The following SUSD4 variants were observed in gnomAD, a reference collection of about 807,000 sequenced individuals.
SUSD4 encodes the protein sushi domain containing 4, also known as sushi domain-containing protein 4.
A neutral mutation model predicts 50.5 loss-of-function variants in SUSD4; 41 were observed. The ratio of observed to expected loss-of-function variants is 0.81; its 90% confidence interval spans 0.63 to 1.05. The LOEUF (loss-of-function observed/expected upper bound fraction) is 1.05. SUSD4 is among the 50% of genes least tolerant of loss of function. The pLI is 0.00. For missense variants in SUSD4, 580 were observed against 634.7 expected (o/e 0.91, Z 0.93); for synonymous variants, 257 against 257.3 (o/e 1.00, Z 0.01).
Position 223,268,530 on chromosome 1 carries a change from T to A in SUSD4, c.507A>T (p.Gly169=), listed in dbSNP as rs1485259422. ...HNMVSLCRDD[G]TWNNLPICQG... is the part of the protein sequence containing the mutation. ...GACAGATGGGCAGATTATTCCACGT[T>A]CCATCATCGCGACATAATGAAACCA... The change falls in exon 4 of 9, where the codon GGA becomes GGT. Residue 169 remains glycine, a synonymous_variant. Transcript: ENST00000366878. 2 of 1,613,972 alleles carry A rather than the reference T, an allele frequency of 1.2e-6. No individual in the cohort carries two copies. Among genetic ancestry groups the A allele is most frequent in the South Asian group, 2.2e-5 (2 of 90,992 alleles).
At chr1:223,226,923 G>A (rs1659557021) in intron 7 of SUSD4, among the ~76,000 whole-genome samples, 1 of 152,150 alleles carries the variant, frequency 6.6e-6, no homozygotes. Context: ...CAGCAGTAGT[G>A]CTGGGTGGCT....
At chr1:223,222,825 G>A (rs997149874) in intron 8 of SUSD4, among the ~76,000 whole-genome samples, 2 of 152,120 alleles carry the variant, frequency 1.3e-5, no homozygotes, top group African/African-American at 4.8e-5. Flanking sequence ...GCCCTAGTGC[G>A]TGCCTCTGGA....
intron 2 of SUSD4, among the ~76,000 whole-genome samples, chr1:223,321,286 C>G (rs1666557211): frequency 6.6e-6 from 1 of 152,194 alleles, no homozygotes; most frequent in South Asian, 2.1e-4. Context: ...ATGCAGAGAC[C>G]TGCATGCGAT....
rs78868457 is a variant in SUSD4, at chr1:223,342,350, G to A, written c.148+20928C>T. ...TAATGGAGAGGGTTGCCATTTTTCT[G>A]AGAATACTATTATTGAATAGATGTC... On this transcript the variant is annotated intron_variant, in intron 2 of 8. Transcript: ENST00000366878. Among the ~76,000 whole-genome samples the A allele has an allele frequency of 7.2e-3, 1,101 of 152,304 alleles. 34 individuals are homozygous for A. In the East Asian group the frequency reaches 0.1, roughly 15 times the overall value.
In SUSD4 at chr1:223,221,416, G is replaced by C. The variant is rs185926490; in HGVS notation, c.*776C>G. On this transcript the variant is annotated 3_prime_UTR_variant, in exon 9 of 9. Coordinates refer to ENST00000366878, the MANE Select transcript of SUSD4 (RefSeq NM_017982.4). ...ATGTATTTGAACACATTCTGACCAT[G>C]TGTAAAAACCACCAGATTTACCCAA... 8.0e-6 allele frequency: 2 copies of C among 248,484 alleles called. No individual in the cohort carries two copies. The highest frequency in any genetic ancestry group is 5.5e-5 in the Admixed American group (1 of 18,158). 15.4% of individuals were successfully genotyped at this position (248,484 alleles called of 1,614,324 possible). A position where few individuals can be genotyped will look rare whatever the true frequency, so the allele number is the denominator to read the frequency against.
chr1:223,280,786 TC>T (rs1663660969), intron 3 of SUSD4, among the ~76,000 whole-genome samples: 1 of 152,134 alleles, frequency 6.6e-6, no homozygotes, highest in Non-Finnish European at 1.5e-5. Flanking sequence ...GAATATACAT[TC>T]TTTTCAGCAC....
chr1:223,251,702 A>G (rs539293563), intron 5 of SUSD4, among the ~76,000 whole-genome samples: 27 of 152,314 alleles, frequency 1.8e-4, no homozygotes, highest in African/African-American at 6.3e-4. Flanking sequence ...GAGTAGTGCC[A>G]CAATAAACAT....
chr1:223,289,185 T>C, intron 3 of SUSD4: 1 of 985,368 alleles, frequency 1.0e-6, no homozygotes, highest in Non-Finnish European at 1.2e-6. Flanking sequence ...TAGGGTCTCC[T>C]CTCCACCATA....
intron 2 of SUSD4, among the ~76,000 whole-genome samples, chr1:223,357,321 G>A (rs890782552): frequency 3.3e-5 from 5 of 152,138 alleles, no homozygotes; most frequent in South Asian, 2.1e-4. Flanking sequence ...AGGGCAGGGG[G>A]TGTTCCAAAA....
chr1:223,228,758 A>G (rs1659693457), intron 6 of SUSD4, among the ~76,000 whole-genome samples: 1 of 152,094 alleles, frequency 6.6e-6, no homozygotes, highest in Admixed American at 6.5e-5. Context: ...AGGGCAATGC[A>G]TCTAATTCTG....
intron 2 of SUSD4, among the ~76,000 whole-genome samples, chr1:223,296,088 C>A (rs1465784639): frequency 6.6e-6 from 1 of 152,072 alleles, no homozygotes; most frequent in Non-Finnish European, 1.5e-5. Flanking sequence ...TGCTCTTGGA[C>A]AGCCAGTCTA....
At chr1:223,306,595 G>A (rs749342362) in intron 2 of SUSD4, among the ~76,000 whole-genome samples, 2 of 152,150 alleles carry the variant, frequency 1.3e-5, no homozygotes, top group Non-Finnish European at 2.9e-5. Context: ...AGGCTCAAGC[G>A]ATCCTCACAC....
intron 5 of SUSD4, chr1:223,234,878 A>G (rs1276436415): frequency 2.0e-6 from 3 of 1,494,478 alleles, no homozygotes; most frequent in Non-Finnish European, 2.7e-6. Flanking sequence ...AGGTGTGCAG[A>G]TCATGGTGAA....
chr1:223,286,263 C>T (rs4661252), intron 3 of SUSD4, among the ~76,000 whole-genome samples: 65,596 of 151,908 alleles, frequency 0.43, 14,690 homozygotes, highest in East Asian at 0.57. Flanking sequence ...CTACAGACGC[C>T]TGCCACCACG....
intron 3 of SUSD4, among the ~76,000 whole-genome samples, chr1:223,270,455 A>C (rs1274581200): frequency 6.6e-6 from 1 of 151,956 alleles, no homozygotes; most frequent in Non-Finnish European, 1.5e-5. Flanking sequence ...CCCTGAGGAC[A>C]CCTGTCATCA....
chr1:223,243,564 G>A (rs911527218), intron 5 of SUSD4, among the ~76,000 whole-genome samples: 4 of 152,220 alleles, frequency 2.6e-5, no homozygotes, highest in African/African-American at 9.6e-5. Flanking sequence ...CTTGTGATTT[G>A]GGGGTGTCAG....
At chr1:223,257,161 T>C (rs552716718) in intron 5 of SUSD4, among the ~76,000 whole-genome samples, 2 of 152,216 alleles carry the variant, frequency 1.3e-5, no homozygotes, top group East Asian at 3.9e-4. Flanking sequence ...ATGCAGTCAG[T>C]TGTTCACAGG....
At chr1:223,288,304 T>G (rs1276136648) in intron 3 of SUSD4, among the ~76,000 whole-genome samples, 1 of 152,196 alleles carries the variant, frequency 6.6e-6, no homozygotes, top group African/African-American at 2.4e-5. Context: ...TGCCGTACTT[T>G]GCTTCCCCTT....
chr1:223,346,414 G>A lies in SUSD4; in HGVS notation c.148+16864C>T, dbSNP rs899565191. On this transcript the variant is annotated intron_variant, in intron 2 of 8. Transcript: ENST00000366878. The stretch of plus-strand genomic sequence containing the variant: ...TCTGGGCTTAACCACATTTGGGCTA[G>A]GGTTCAAGGCGTACTGCAGAAAGAA... 2.0e-5 allele frequency among the ~76,000 whole-genome samples: 3 copies of A among 152,138 alleles called. 1 individual carries two copies. The highest frequency in any genetic ancestry group is 7.2e-5 in the African/African-American group (3 of 41,418).
Sources: gnomAD v4.1 joint callset for allele counts (sites outside exome capture counted in the v4.1 genomes callset) on GRCh38, gnomAD v4.1.1 for gene constraint, MANE v1.5 for transcripts, NCBI Gene and HGNC (gene_info 2026-07-23, HGNC 2026-07-21) for gene names.